The following GRTP1 variants were observed in gnomAD, a reference collection of about 807,000 sequenced individuals.
GRTP1 encodes the protein growth hormone-regulated TBC protein 1.
Under a neutral mutation model 38.1 loss-of-function variants are expected in GRTP1, and 56 were observed. That is an observed-to-expected ratio of 1.47 (90% CI 1.19 to 1.84). GRTP1 has a LOEUF of 1.84. Among genes scored for constraint, GRTP1 ranks in the 40% most tolerant of loss-of-function variants. The pLI, the probability that GRTP1 is intolerant of heterozygous loss-of-function variation, is 0.00. For synonymous variants in GRTP1, 217 were observed against 189.5 expected (o/e 1.14, Z -1.19); for missense variants, 506 against 453.9 (o/e 1.11, Z -1.04).
intron 2 of GRTP1, among the ~76,000 whole-genome samples, chr13:113,357,441 CA>C (rs368660991): frequency 9.2e-5 from 9 of 97,664 alleles, no homozygotes; most frequent in African/African-American, 1.7e-4. Context: ...GACACTGCCT[CA>C]AAAAAAAAAA....
rs2146410 is a variant in GRTP1 at position 113,349,973 on chromosome 13, A to G, written c.465+876T>C. Among the ~76,000 whole-genome samples, 50,199 of 152,010 alleles carry G rather than the reference A, an allele frequency of 0.33. 8,756 individuals are homozygous for G. The highest frequency in any genetic ancestry group is 0.6 in the East Asian group (3,066 of 5,138). ...TAGGAGCCCGTGAAGCACATGGCCT[A>G]AAATGCCAGGAACGCACTCTCCAAT... is the stretch of plus-strand genomic sequence containing the variant. On this transcript the variant is annotated intron_variant, in intron 4 of 7. Coordinates refer to ENST00000375431, the MANE Select transcript of GRTP1 (RefSeq NM_024719.4). The surrounding 1 kb of genome is among the most constrained non-coding windows in gnomAD (Gnocchi z 5.0).
intron 3 of GRTP1, among the ~76,000 whole-genome samples, chr13:113,352,321 TA>T (rs1284462067): frequency 3.3e-5 from 2 of 60,748 alleles, no homozygotes; most frequent in African/African-American, 1.3e-4. Flanking sequence ...ATTTTATATA[TA>T]TTTTTATATA....
At chr13:113,330,935 G>A (rs564714456) in intron 5 of GRTP1, among the ~76,000 whole-genome samples, 15 of 125,170 alleles carry the variant, frequency 1.2e-4, no homozygotes, top group African/African-American at 4.4e-4. Context: ...GGGAGCCCAG[G>A]TGTGTGCATG....
rs2043099974 is a variant in GRTP1, at chr13:113,345,976, ACTTTTGTGGCCGAGAGTG to A, written c.466-1035_466-1018del. 2.4e-4 allele frequency among the ~76,000 whole-genome samples: 36 copies of A among 152,034 alleles called. No individual in the cohort carries two copies. The South Asian group carries it at 7.4e-3, about 31-fold the overall frequency. On this transcript the variant is annotated intron_variant, in intron 4 of 7. Transcript: ENST00000375431. ...TGTGGCCAAAAGCAGACCCAGGAGG[ACTTTTGTGGCCGAGAGTG>A]GACCCGAGAGGACCTCTGCGGCTGA...
intron 5 of GRTP1, among the ~76,000 whole-genome samples, chr13:113,333,874 T>TGTGTGTGTGCGTGC (rs33972835): frequency 1.5e-5 from 2 of 135,264 alleles, no homozygotes; most frequent in African/African-American, 5.7e-5. Flanking sequence ...TGTGTGTGTG[T>TGTGTGTGTGCGTGC]CCGAGGCTGG....
intron 4 of GRTP1, 22 bp downstream of exon 4, chr13:113,350,827 G>A (rs373411387): frequency 2.0e-4 from 313 of 1,546,102 alleles, no homozygotes; most frequent in Admixed American, 2.7e-4. Flanking sequence ...ACCTCATGGC[G>A]TCAGAGGGTC....
intron 5 of GRTP1, 45 bp from the exon 6 acceptor site, chr13:113,326,136 C>A: frequency 6.3e-7 from 1 of 1,593,980 alleles, no homozygotes. Context: ...CTCCCGTCAC[C>A]TCCACAAGCC....
intron 3 of GRTP1, among the ~76,000 whole-genome samples, chr13:113,354,317 CA>C (rs2043339717): frequency 6.6e-6 from 1 of 152,162 alleles, no homozygotes; most frequent in Admixed American, 6.5e-5. Context: ...GCCCCCTCCC[CA>C]CTGGCTCAGC....
intron 5 of GRTP1, among the ~76,000 whole-genome samples, chr13:113,329,890 T>C (rs1218776223): frequency 2.0e-5 from 3 of 152,204 alleles, no homozygotes; most frequent in Non-Finnish European, 2.9e-5. Context: ...GTTACGTGAA[T>C]GAGATAATGG....
chr13:113,361,488 G>A (rs2043498114), intron 2 of GRTP1: 1 of 152,258 alleles, frequency 6.6e-6, no homozygotes, highest in Non-Finnish European at 1.5e-5. Flanking sequence ...CAAAGGCAAA[G>A]ACGGGAGAAT....
In GRTP1 at chr13:113,347,619, T is replaced by C. The variant is rs368884093; in HGVS notation, c.466-2660A>G. On this transcript the variant is annotated intron_variant, in intron 4 of 7. Coordinates refer to ENST00000375431, the MANE Select transcript of GRTP1 (RefSeq NM_024719.4). ...ACAGACCCGGGAGGACCTCTGTGGCTGAGAGCGGACCTGGGAGGACCTCTG... is the reference window on the plus strand; with the variant it reads ...ACAGACCCGGGAGGACCTCTGTGGCCGAGAGCGGACCTGGGAGGACCTCTG... Among the ~76,000 whole-genome samples, 114 of 17,352 alleles carry C rather than the reference T, an allele frequency of 6.6e-3. 1 individual carries two copies. The highest frequency in any genetic ancestry group is 9.9e-3 in the African/African-American group (41 of 4,136). 11.4% of individuals were successfully genotyped at this position (17,352 alleles called of 152,430 possible).
chr13:113,324,347 T>C lies in GRTP1; in HGVS notation c.*141A>G, dbSNP rs547498345. 855 of 1,269,026 alleles carry C rather than the reference T, an allele frequency of 6.7e-4. 8 individuals carry two copies. In the South Asian group the frequency reaches 9.9e-3, roughly 15 times the overall value. The allele number at this position is 1,269,026 out of a possible 1,614,324, so 78.6% of individuals were successfully genotyped here. A position where few individuals can be genotyped will look rare whatever the true frequency, so the allele number is the denominator to read the frequency against. On this transcript the variant is annotated 3_prime_UTR_variant, in exon 8 of 8. Transcript: ENST00000375431. ...AGAATGACCTGATTTTAAACTGCTC[T>C]TTTAAAAAATTCACAACTAAAGTGT...
chr13:113,347,700 C>G (rs2043185260), intron 4 of GRTP1, among the ~76,000 whole-genome samples: 1 of 106,574 alleles, frequency 9.4e-6, no homozygotes, highest in Non-Finnish European at 2.0e-5. Flanking sequence ...GGGAGGACCT[C>G]TGTGGCAGAG....
chr13:113,334,282 A>AACCCCCCCCCCCCCCCTGCTACGACC, intron 5 of GRTP1, among the ~76,000 whole-genome samples: 1 of 145,036 alleles, frequency 6.9e-6, no homozygotes, highest in Non-Finnish European at 1.5e-5. Context: ...CTGCCACGAC[A>AACCCCCCCCCCCCCCCTGCTACGACC]GCCTCCCGCC....
chr13:113,356,532 C>T (rs976452682), intron 2 of GRTP1, among the ~76,000 whole-genome samples: 1 of 152,272 alleles, frequency 6.6e-6, no homozygotes, highest in Non-Finnish European at 1.5e-5. Context: ...TCCCAAAGTG[C>T]TGGGATTACA....
chr13:113,358,026 A>G (rs1344765558), intron 2 of GRTP1, among the ~76,000 whole-genome samples: 1 of 152,136 alleles, frequency 6.6e-6, no homozygotes, highest in African/African-American at 2.4e-5. Context: ...TAAAAAAAAT[A>G]CAAAAATTAG....
At chr13:113,334,848 T>C (rs1304314671) in intron 5 of GRTP1, among the ~76,000 whole-genome samples, 1 of 152,168 alleles carries the variant, frequency 6.6e-6, no homozygotes, top group African/African-American at 2.4e-5. Flanking sequence ...AGATGGACAC[T>C]TGCTCTGTCG....
rs1566447136 is a variant in GRTP1, at chr13:113,363,764, G to A, written c.179C>T (p.Thr60Ile). The A allele has an allele frequency of 6.2e-7, 1 of 1,608,182 alleles. No individual in the cohort carries two copies. The part of the protein sequence containing the change: ...LQGGGVPRSR[T>I]VKRYVRKGVP... ...CCACCTGCGCCCCCGGGACCCACCT[G>A]TCCGGCTCCTGGGGACGCCCCCGCC... The change falls in exon 2 of 8, where the codon ACA (threonine) becomes ATA (isoleucine). Residue 60 changes from threonine (T) to isoleucine (I), a missense_variant and splice_region_variant. By Grantham distance (89) the Thr-to-Ile change is moderately conservative. Transcript: ENST00000375431.
intron 5 of GRTP1, among the ~76,000 whole-genome samples, chr13:113,338,653 C>T (rs1000879290): frequency 1.3e-5 from 2 of 152,150 alleles, no homozygotes; most frequent in Non-Finnish European, 2.9e-5. Flanking sequence ...ATTTTCAATA[C>T]CCAGACGGAC....
Sources: gnomAD v4.1 joint callset for allele counts (sites outside exome capture counted in the v4.1 genomes callset) on GRCh38, gnomAD v4.1.1 for gene constraint, Gnocchi (gnomAD v3.1) non-coding constraint, MANE v1.5 for transcripts, NCBI Gene and HGNC (gene_info 2026-07-23, HGNC 2026-07-21) for gene names.